ABCC1: variants seen among roughly 807,000 people sequenced by gnomAD.
ABCC1 encodes ATP binding cassette subfamily C member 1 (ABCC1 blood group).
In ABCC1, 83 loss-of-function variants were observed where a neutral mutation model predicts 172.9. That is an observed-to-expected ratio of 0.48 (90% CI 0.40 to 0.58). The LOEUF is 0.58. ABCC1 is among the 20% of genes least tolerant of loss of function. ABCC1 has a pLI of 0.00. For synonymous variants in ABCC1, 937 were observed against 825.2 expected, an observed-to-expected ratio of 1.14 and a Z score of -2.32; for missense variants, 1,817 against 2,002.7, an observed-to-expected ratio of 0.91 and a Z score of 1.77.
chr16:15,982,814 AAAAAAAAAAAG>A (rs1406283148), intron 1 of ABCC1, among the ~76,000 whole-genome samples: 4 of 149,216 alleles, frequency 2.7e-5, no homozygotes, highest in African/African-American at 9.8e-5. Flanking sequence ...AAAAAAAAAA[AAAAAAAAAAAG>A]GAAATCCATT....
At chr16:16,052,852 C>T (rs1268515821) in intron 11 of ABCC1, 36 bp downstream of exon 11, 1 of 1,602,680 alleles carries the variant, frequency 6.2e-7, no homozygotes, top group Non-Finnish European at 8.5e-7. Flanking sequence ...CCAAGCCGGG[C>T]CCTAGGCAGA....
At chr16:16,038,343 A>G (rs1377170211) in intron 7 of ABCC1, among the ~76,000 whole-genome samples, 1 of 152,208 alleles carries the variant, frequency 6.6e-6, no homozygotes, top group Non-Finnish European at 1.5e-5. Flanking sequence ...TCTCAGACCC[A>G]GGGAAGCTGA....
At chr16:16,009,466 T>C (rs2047685412) in intron 2 of ABCC1, among the ~76,000 whole-genome samples, 1 of 152,152 alleles carries the variant, frequency 6.6e-6, no homozygotes, top group African/African-American at 2.4e-5. Context: ...GAGTTGCAGC[T>C]AGAGATGAGC....
At chr16:16,004,829 G>T in intron 1 of ABCC1, among the ~76,000 whole-genome samples, 1 of 148,002 alleles carries the variant, frequency 6.8e-6, no homozygotes. Flanking sequence ...TAATTTTTAT[G>T]TTTTTAGTAA....
At chr16:16,113,940 A>C (rs1404079538) in intron 22 of ABCC1, among the ~76,000 whole-genome samples, 1 of 152,188 alleles carries the variant, frequency 6.6e-6, no homozygotes, top group Non-Finnish European at 1.5e-5. Flanking sequence ...AGGAGGATCT[A>C]ATGCCACCAC....
chr16:15,975,353 G>T (rs2046461878), intron 1 of ABCC1, among the ~76,000 whole-genome samples: 1 of 152,006 alleles, frequency 6.6e-6, no homozygotes. Flanking sequence ...CTGGTTTTTT[G>T]CTGTTGTGAA....
rs760557387 is a variant in ABCC1 at position 16,138,360 on chromosome 16, C to G, written c.4293-4C>G. On this transcript the variant is annotated splice_polypyrimidine_tract_variant and splice_region_variant and intron_variant, in intron 29 of 30. Transcript: ENST00000399410. ...TATCTCCTGGTTTTTTTCTTCCGGT[C>G]AAGTGTCGGGCAGCGCCAGCTTGTG... 5 of 1,574,418 alleles carry G rather than the reference C, an allele frequency of 3.2e-6. No homozygotes were observed. The highest frequency in any genetic ancestry group is 1.4e-5 in the African/African-American group (1 of 74,010).
chr16:16,050,981 T>A (rs1313092925), intron 10 of ABCC1, among the ~76,000 whole-genome samples: 6 of 152,248 alleles, frequency 3.9e-5, no homozygotes, highest in Non-Finnish European at 7.4e-5. Flanking sequence ...AAAGTGCTAC[T>A]ATGGGAAAAA....
At chr16:16,053,146 T>C (rs2049502692) in intron 11 of ABCC1, among the ~76,000 whole-genome samples, 1 of 152,192 alleles carries the variant, frequency 6.6e-6, no homozygotes, top group Non-Finnish European at 1.5e-5. Flanking sequence ...TCTGAGAAAG[T>C]CCTTGTTTCC....
chr16:16,123,412 A>G (rs1330526111), intron 24 of ABCC1, among the ~76,000 whole-genome samples: 1 of 152,010 alleles, frequency 6.6e-6, no homozygotes, highest in East Asian at 1.9e-4. Context: ...AAGTGGGTGG[A>G]TCACCTGAGG....
chr16:16,042,237 G>A (rs2049004917), intron 7 of ABCC1, among the ~76,000 whole-genome samples: 1 of 149,892 alleles, frequency 6.7e-6, no homozygotes, highest in African/African-American at 2.5e-5. Flanking sequence ...CCCTTCCCAG[G>A]CATCCAGCCA....
chr16:15,962,290 G>A (rs2046151209), intron 1 of ABCC1, among the ~76,000 whole-genome samples: 1 of 152,144 alleles, frequency 6.6e-6, no homozygotes, highest in African/African-American at 2.4e-5. Flanking sequence ...TTTAAAAATT[G>A]CTTTTAAATC....
chr16:16,083,135 A>G (rs189571777), intron 16 of ABCC1, among the ~76,000 whole-genome samples: 9 of 152,310 alleles, frequency 5.9e-5, no homozygotes, highest in Admixed American at 5.2e-4. Context: ...CGAGGATATC[A>G]ACTCTTTGAC....
chr16:16,053,250 T>G (rs2049506111), intron 11 of ABCC1, among the ~76,000 whole-genome samples: 1 of 152,084 alleles, frequency 6.6e-6, no homozygotes, highest in African/African-American at 2.4e-5. Flanking sequence ...AGCTCTTACC[T>G]TATAGGATAC....
chr16:15,997,195 G>T (rs1315688214), intron 1 of ABCC1, among the ~76,000 whole-genome samples: 1 of 151,520 alleles, frequency 6.6e-6, no homozygotes, highest in Admixed American at 6.6e-5. Context: ...GGGTTCAAGC[G>T]ATTCTCCTGT....
intron 1 of ABCC1, among the ~76,000 whole-genome samples, chr16:15,974,140 G>GCTC (rs1478648021): frequency 2.0e-5 from 3 of 152,326 alleles, no homozygotes; most frequent in African/African-American, 7.2e-5. Flanking sequence ...GTACCTTGCA[G>GCTC]AGAGTATTCC....
intron 4 of ABCC1, among the ~76,000 whole-genome samples, chr16:16,015,348 C>T (rs914331543): frequency 6.6e-6 from 1 of 152,116 alleles, no homozygotes; most frequent in African/African-American, 2.4e-5. Flanking sequence ...CCACGTTGGC[C>T]AGGATGGTGT....
intron 1 of ABCC1, among the ~76,000 whole-genome samples, chr16:15,986,917 G>A (rs545185210): frequency 1.3e-5 from 2 of 152,154 alleles, no homozygotes; most frequent in Admixed American, 6.5e-5. Context: ...GCTCACGCCT[G>A]TAATCCTAAG....
chr16:16,121,844 G>C lies in ABCC1; in HGVS notation c.3391-131G>C, dbSNP rs75461846. On this transcript the variant is annotated intron_variant, in intron 23 of 30. Transcript: ENST00000399410. ...CCAGGTGAGTGGGCACCCCTGTGAG[G>C]GCAGCCCGGCTCTAACATTTTGCCT... The C allele has an allele frequency of 2.1e-4, 190 of 891,042 alleles. No individual in the cohort carries two copies. In the East Asian group the frequency reaches 5.0e-3, roughly 24 times the overall value. 55.2% of individuals were successfully genotyped at this position (891,042 alleles called of 1,614,324 possible).
Sources: allele counts gnomAD v4.1 joint callset (sites outside exome capture counted in the v4.1 genomes callset), GRCh38; gene constraint gnomAD v4.1.1; transcripts MANE v1.5; gene names NCBI Gene and HGNC (gene_info 2026-07-23, HGNC 2026-07-21).